The following TMTC1 variants were observed in gnomAD, a reference collection of about 807,000 sequenced individuals.
TMTC1 encodes the protein protein O-mannosyl-transferase TMTC1.
Under a neutral mutation model 104.8 loss-of-function variants are expected in TMTC1, and 73 were observed. The observed-to-expected ratio is 0.70, with a 90% CI of 0.58 to 0.85. The LOEUF is 0.85. TMTC1 is among the 40% of genes least tolerant of loss of function. The pLI is 0.00. For synonymous variants in TMTC1, 434 were observed against 428.7 expected (o/e 1.01, Z -0.15); for missense variants, 1,035 against 1,096.1 (o/e 0.94, Z 0.79).
chr12:29,593,301 G>A (rs924152747), intron 7 of TMTC1, among the ~76,000 whole-genome samples: 1 of 152,138 alleles, frequency 6.6e-6, no homozygotes, highest in African/African-American at 2.4e-5. Flanking sequence ...TAAACTAAAG[G>A]TGAAGTTAAA....
At chr12:29,747,673 G>A (rs1394047063) in intron 5 of TMTC1, among the ~76,000 whole-genome samples, 3 of 152,092 alleles carry the variant, frequency 2.0e-5, no homozygotes, top group African/African-American at 7.2e-5. Flanking sequence ...AATGCATCCT[G>A]GTGTTCAGAA....
intron 9 of TMTC1, among the ~76,000 whole-genome samples, chr12:29,570,937 T>C (rs1447356847): frequency 6.8e-6 from 1 of 146,382 alleles, no homozygotes; most frequent in African/African-American, 2.5e-5. Flanking sequence ...CTGCCATATT[T>C]GCCATATTAA....
At chr12:29,770,303 A>T (rs1335078022) in intron 1 of TMTC1, among the ~76,000 whole-genome samples, 2 of 152,204 alleles carry the variant, frequency 1.3e-5, no homozygotes, top group Non-Finnish European at 2.9e-5. Context: ...ATAAAATGGT[A>T]GGCATGAATC....
chr12:29,659,883 G>T (rs540316230), intron 5 of TMTC1: 57 of 1,533,146 alleles, frequency 3.7e-5, no homozygotes, highest in Middle Eastern at 1.7e-4. Context: ...TACTAACCTC[G>T]TAAGAATGTA....
At chr12:29,561,407 A>C (rs1488129006) in intron 9 of TMTC1, among the ~76,000 whole-genome samples, 1 of 152,218 alleles carries the variant, frequency 6.6e-6, no homozygotes, top group Non-Finnish European at 1.5e-5. Flanking sequence ...GAAGTGAAAT[A>C]AACTCAATAC....
At chr12:29,510,560 AC>A (rs1943805157) in intron 17 of TMTC1, among the ~76,000 whole-genome samples, 1 of 152,182 alleles carries the variant, frequency 6.6e-6, no homozygotes, top group Non-Finnish European at 1.5e-5. Flanking sequence ...GCTTGAATTC[AC>A]CACCTACCAG....
chr12:29,760,096 G>A (rs1341321829), intron 2 of TMTC1, among the ~76,000 whole-genome samples: 1 of 152,146 alleles, frequency 6.6e-6, no homozygotes. Flanking sequence ...ATTCAGTACG[G>A]TAGCCTAAGA....
At position 29,512,106 on chromosome 12, in the gene TMTC1, A is replaced by G. The variant is rs1187264262; in HGVS notation, c.2445T>C (p.Ala815=). The G allele has an allele frequency of 6.2e-7, 1 of 1,613,890 alleles. No homozygotes were observed. Among genetic ancestry groups the G allele is most frequent in the Admixed American group, 1.7e-5 (1 of 59,996 alleles). ...LDKAFESYRV[A]VQLNPDQAQA... ...GTGCTTGGTCTGGGTTTAGTTGCAC[A>G]GCCACTCTATAGCTCTAAATAAATA... Residue 815 remains alanine (A), a synonymous_variant, in exon 17 of 18, where the codon GCT becomes GCC. Coordinates refer to ENST00000539277, the MANE Select transcript of TMTC1 (RefSeq NM_001193451.2).
At chr12:29,527,492 C>T (rs1489109513) in intron 11 of TMTC1, among the ~76,000 whole-genome samples, 1 of 152,234 alleles carries the variant, frequency 6.6e-6, no homozygotes, top group Non-Finnish European at 1.5e-5. Context: ...TACTGTACAC[C>T]TGTCATGATC....
intron 9 of TMTC1, among the ~76,000 whole-genome samples, chr12:29,564,301 A>G (rs1450324174): frequency 6.6e-6 from 1 of 152,140 alleles, no homozygotes; most frequent in Non-Finnish European, 1.5e-5. Context: ...GTCAACCAGC[A>G]TATACACAGA....
chr12:29,572,300 G>T, intron 8 of TMTC1, 82 bp from the exon 9 acceptor site: 1 of 1,194,638 alleles, frequency 8.4e-7, no homozygotes, highest in East Asian at 2.6e-5. Flanking sequence ...TCAGTTTCAT[G>T]AACCTGTATT....
intron 11 of TMTC1, chr12:29,534,251 TA>T (rs901687344): frequency 6.6e-6 from 1 of 152,236 alleles, no homozygotes; most frequent in African/African-American, 2.4e-5. Context: ...AACATGAAGA[TA>T]GGATGTTGAA....
chr12:29,603,901 A>G (rs1340639135), intron 7 of TMTC1, among the ~76,000 whole-genome samples: 1 of 152,250 alleles, frequency 6.6e-6, no homozygotes, highest in Non-Finnish European at 1.5e-5. Context: ...ATGTAGTGAT[A>G]AATGATTACT....
intron 10 of TMTC1, among the ~76,000 whole-genome samples, chr12:29,550,525 T>A (rs1185767551): frequency 6.6e-6 from 1 of 151,798 alleles, no homozygotes; most frequent in East Asian, 1.9e-4. Context: ...TCAGCGGGAA[T>A]GAGAGAGTGG....
intron 8 of TMTC1, among the ~76,000 whole-genome samples, chr12:29,579,706 G>T (rs1156762725): frequency 6.6e-6 from 1 of 152,134 alleles, no homozygotes; most frequent in African/African-American, 2.4e-5. Flanking sequence ...CAAATGTAGG[G>T]TTCTGGGCTG....
intron 6 of TMTC1, among the ~76,000 whole-genome samples, chr12:29,623,985 T>G (rs1334859555): frequency 6.6e-6 from 1 of 151,790 alleles, no homozygotes; most frequent in African/African-American, 2.4e-5. Context: ...TCTGTCTTGT[T>G]TTTGTTTTTG....
At chr12:29,735,683 C>A (rs906170090) in intron 5 of TMTC1, among the ~76,000 whole-genome samples, 1 of 152,170 alleles carries the variant, frequency 6.6e-6, no homozygotes, top group Admixed American at 6.5e-5. Flanking sequence ...GGAAGGAAGA[C>A]TGCATTTTTA....
chr12:29,761,996 G>A (rs1943361844), intron 2 of TMTC1, among the ~76,000 whole-genome samples: 1 of 151,956 alleles, frequency 6.6e-6, no homozygotes, highest in African/African-American at 2.4e-5. Flanking sequence ...GACCAGCCTG[G>A]GCAACAAGGA....
chr12:29,700,847 T>C (rs1433177004), intron 5 of TMTC1, among the ~76,000 whole-genome samples: 1 of 152,196 alleles, frequency 6.6e-6, no homozygotes, highest in Non-Finnish European at 1.5e-5. Flanking sequence ...GCCTGGCATA[T>C]AATCAGCACT....
Sources: allele counts gnomAD v4.1 joint callset (sites outside exome capture counted in the v4.1 genomes callset), GRCh38; gene constraint gnomAD v4.1.1; transcripts MANE v1.5; gene names NCBI Gene and HGNC (gene_info 2026-07-23, HGNC 2026-07-21).